The following PRDM10 variants were observed in gnomAD, a reference collection of about 807,000 sequenced individuals.
The protein encoded by PRDM10 is PR domain zinc finger protein 10.
Under a neutral mutation model 133.1 loss-of-function variants are expected in PRDM10, and 65 were observed. The ratio of observed to expected loss-of-function variants is 0.49; its 90% CI spans 0.40 to 0.60. The LOEUF is 0.60. PRDM10 is among the 20% of genes least tolerant of loss of function. PRDM10 has a pLI of 0.00. For missense variants in PRDM10, 1,137 were observed against 1,507.1 expected (o/e 0.75, Z 4.07); for synonymous variants, 582 against 580.4 (o/e 1.00, Z -0.04).
In PRDM10 at chr11:129,912,087, G is replaced by A. The variant is rs1448729013; in HGVS notation, c.2980C>T (p.Gln994Ter). ...AAATAGTCTGTGGAGCAGGGTACCT[G>A]GGCGGAGGACGGGGCCGAGGCGGTA... ...EPTASAPSSA[Q>*]VSGQPLSPSA... The change falls in exon 18 of 21, where the codon CAG becomes TAG. Residue 994 changes from glutamine (Q) to a stop codon, truncating the protein, a stop_gained and splice_region_variant. Transcript: ENST00000360871. LOFTEE classifies it high-confidence loss of function. 6.2e-7 allele frequency: 1 copy of A among 1,606,344 alleles called. No homozygotes were observed. Among genetic ancestry groups the A allele is most frequent in the Non-Finnish European group, 8.5e-7 (1 of 1,176,354 alleles).
At chr11:129,990,771 GTCCTCACTTTT>G (rs1938696816) in intron 1 of PRDM10, among the ~76,000 whole-genome samples, 1 of 152,044 alleles carries the variant, frequency 6.6e-6, no homozygotes, top group African/African-American at 2.4e-5. Flanking sequence ...CTATGCCCGG[GTCCTCACTTTT>G]TCCTCACTTT....
At chr11:130,002,333 G>T (rs564164035) in intron 1 of PRDM10, among the ~76,000 whole-genome samples, 10 of 151,836 alleles carry the variant, frequency 6.6e-5, no homozygotes, top group African/African-American at 1.2e-4. Context: ...GGGGTCGCAG[G>T]GGGAGGCTGC....
chr11:129,923,679 AGAGAGAGAGAGAGAGT>A lies in PRDM10; in HGVS notation c.1879-292_1879-277del, dbSNP rs1458229623. On this transcript the variant is annotated intron_variant, in intron 12 of 20. Transcript: ENST00000360871. The surrounding 1 kb of genome is among the most constrained non-coding windows in gnomAD (Gnocchi z 4.4). ...GAGAGAGAGAGAGAGAGAGAGAGAG[AGAGAGAGAGAGAGAGT>A]GCTTGCTTGGTCAAAGCCCTGATCA... Among the ~76,000 whole-genome samples the A allele has an allele frequency of 1.6e-4, 24 of 151,616 alleles. 1 individual carries two copies. The highest frequency in any genetic ancestry group is 6.6e-4 in the Admixed American group (10 of 15,208).
Position 129,910,502 on chromosome 11 carries a change from C to G in PRDM10, c.3137G>C (p.Ser1046Thr). 1 of 1,614,156 alleles carries G rather than the reference C, an allele frequency of 6.2e-7. No individual in the cohort carries two copies. The highest frequency in any genetic ancestry group is 8.5e-7 in the Non-Finnish European group (1 of 1,180,050). Residue 1046 changes from serine (S) to threonine (T), a missense_variant, in exon 19 of 21, where the codon AGT becomes ACT. Physicochemically the swap from Ser to Thr is moderately conservative, Grantham distance 58. This residue lies in a region of PRDM10 where 243 missense variants were observed against 259.2 expected (regional missense o/e 0.94). Transcript: ENST00000360871. ...ATAGCCACGGAAGGAATTCCAAGCA[C>G]TGGGCAGGTACGTGTGCTGCACAGA... ...NSSVQHTYLP[S>T]AWNSFRGYSS...
intron 4 of PRDM10, among the ~76,000 whole-genome samples, chr11:129,948,454 C>T (rs542709563): frequency 6.6e-6 from 1 of 152,290 alleles, no homozygotes; most frequent in East Asian, 1.9e-4. Context: ...TTGATGCCTC[C>T]AGCCCTCCCT....
rs1328431914 is a variant in PRDM10 at position 129,901,521 on chromosome 11, A to G, written c.*792T>C. On this transcript the variant is annotated 3_prime_UTR_variant, in exon 21 of 21. Transcript: ENST00000360871. ...CCAATATCTCCTTCTTACCACCACC[A>G]CAACCACAGAATGGGAGGCAAAGCT... 6.6e-6 allele frequency: 1 copy of G among 152,262 alleles called. No individual in the cohort carries two copies. Among genetic ancestry groups the G allele is most frequent in the Non-Finnish European group, 1.5e-5 (1 of 68,036 alleles). 9.4% of individuals were successfully genotyped at this position (152,262 alleles called of 1,614,324 possible).
In PRDM10 at chr11:129,916,975, A is replaced by G. The variant is rs535228767; in HGVS notation, c.2325+152T>C. 2.4e-4 allele frequency: 120 copies of G among 509,582 alleles called. 1 individual carries two copies. Among genetic ancestry groups the G allele is most frequent in the African/African-American group, 2.2e-3 (111 of 50,554 alleles). The allele number at this position is 509,582 out of a possible 1,614,324, so 31.6% of individuals were successfully genotyped here. Reference sequence around the variant, plus strand: ...TGGCTTAAAATAAGGCTGTATTTCTAGTCCTTTCTTGTCTGAATGGAGACT... The same window carrying G: ...TGGCTTAAAATAAGGCTGTATTTCTGGTCCTTTCTTGTCTGAATGGAGACT... On this transcript the variant is annotated intron_variant, in intron 15 of 20. Transcript: ENST00000360871.
chr11:129,972,464 CT>C (rs760641266), intron 1 of PRDM10, among the ~76,000 whole-genome samples: 2 of 152,204 alleles, frequency 1.3e-5, no homozygotes, highest in Non-Finnish European at 2.9e-5. Context: ...AAATTCTATC[CT>C]TGATTTCTCT....
rs768904130 is a variant in PRDM10 at position 129,944,966 on chromosome 11, G to A, written c.567C>T (p.His189=). Residue 189 remains histidine, a synonymous_variant, in exon 6 of 21, where the codon CAC becomes CAT. Transcript: ENST00000360871. ...GGTTGGGGATCGGGTGCAAGGGGCC[G>A]TGCTTCGGACACACTGAAGCATGCG... ...NNAHASVCPK[H]GPLHPIPNRP... The A allele has an allele frequency of 1.9e-6, 3 of 1,613,520 alleles. No individual in the cohort carries two copies. The highest frequency in any genetic ancestry group is 8.5e-7 in the Non-Finnish European group (1 of 1,179,860).
chr11:129,992,111 G>A (rs968446508), intron 1 of PRDM10, among the ~76,000 whole-genome samples: 7 of 152,158 alleles, frequency 4.6e-5, no homozygotes, highest in African/African-American at 1.2e-4. Flanking sequence ...TTTCACTCAG[G>A]TGTACCTACA....
intron 4 of PRDM10, among the ~76,000 whole-genome samples, chr11:129,950,550 T>G (rs2135896561): frequency 6.6e-6 from 1 of 152,296 alleles, no homozygotes; most frequent in South Asian, 2.1e-4. Context: ...CACAGGGAAC[T>G]TCTAGCAGTG....
In PRDM10 at chr11:129,910,596, G is replaced by A. The variant is rs182108347; in HGVS notation, c.3043C>T (p.His1015Tyr). 45 of 1,613,860 alleles carry A rather than the reference G, an allele frequency of 2.8e-5. 1 individual carries two copies. The East Asian group carries it at 9.8e-4, about 35-fold the overall frequency. ...TGTGTGGAAGAACTGCCCTGGATGT[G>A]GGAGGGGCTGAGCCCCTGCTGAGCC... ...QQAQQGLSPSHIQGSSSTQGQ... is the reference protein window; with the variant it reads ...QQAQQGLSPSYIQGSSSTQGQ... The change falls in exon 19 of 21, where the codon CAC (histidine) becomes TAC (tyrosine). Residue 1015 changes from histidine to tyrosine, a missense_variant. Physicochemically the swap from His to Tyr is moderately conservative, Grantham distance 83. This residue lies in a region of PRDM10 where 243 missense variants were observed against 259.2 expected (regional missense o/e 0.94). Coordinates refer to ENST00000360871, the MANE Select transcript of PRDM10 (RefSeq NM_199437.2).
chr11:129,902,063 C>T lies in PRDM10; in HGVS notation c.*250G>A. 2.1e-6 allele frequency: 1 copy of T among 479,552 alleles called. No homozygotes were observed. Among genetic ancestry groups the T allele is most frequent in the South Asian group, 3.2e-5 (1 of 30,852 alleles). The allele number at this position is 479,552 out of a possible 1,614,324, so 29.7% of individuals were successfully genotyped here. On this transcript the variant is annotated 3_prime_UTR_variant, in exon 21 of 21. Coordinates refer to ENST00000360871, the MANE Select transcript of PRDM10 (RefSeq NM_199437.2). ...GACCAGCTCAAGAGCAAGGCAAATT[C>T]TCTCCACCTCGAAATCTACTTTCCC...
intron 20 of PRDM10, among the ~76,000 whole-genome samples, chr11:129,903,389 C>T (rs1177342077): frequency 1.4e-4 from 21 of 151,090 alleles, no homozygotes; most frequent in Admixed American, 1.1e-3. Flanking sequence ...TAAAAAAACG[C>T]GACCATCAAA....
chr11:129,912,485 C>G (rs1041680260), intron 17 of PRDM10, among the ~76,000 whole-genome samples: 1 of 152,336 alleles, frequency 6.6e-6, no homozygotes, highest in East Asian at 1.9e-4. Context: ...GGCGCCGTGG[C>G]TCACGCCTGT....
intron 1 of PRDM10, among the ~76,000 whole-genome samples, chr11:129,964,056 T>C (rs1951856142): frequency 6.6e-6 from 1 of 152,174 alleles, no homozygotes; most frequent in Admixed American, 6.5e-5. Flanking sequence ...TCTTCATGGT[T>C]AGATTCAGGA....
intron 17 of PRDM10, 150 bp downstream of exon 17, chr11:129,914,554 C>T: frequency 9.2e-7 from 1 of 1,081,320 alleles, no homozygotes; most frequent in Non-Finnish European, 1.4e-6. Flanking sequence ...CCTCATCAGC[C>T]TGAAAGGGGA....
At chr11:129,922,089 T>C (rs888788961) in intron 13 of PRDM10, among the ~76,000 whole-genome samples, 2 of 152,220 alleles carry the variant, frequency 1.3e-5, no homozygotes, top group African/African-American at 2.4e-5. Context: ...TCTTCTCCTA[T>C]AATTAAGTTC....
intron 16 of PRDM10, among the ~76,000 whole-genome samples, 180 bp downstream of exon 16, chr11:129,915,480 A>G (rs1442210861): frequency 6.6e-6 from 1 of 152,236 alleles, no homozygotes; most frequent in Non-Finnish European, 1.5e-5. Context: ...GGAGGTCCAC[A>G]GTATCCTCTT....
Sources: gnomAD v4.1 joint callset for allele counts (sites outside exome capture counted in the v4.1 genomes callset) on GRCh38, gnomAD v4.1.1 for gene constraint, gnomAD v4.1.1 regional missense constraint, Gnocchi (gnomAD v3.1) non-coding constraint, MANE v1.5 for transcripts, NCBI Gene and HGNC (gene_info 2026-07-23, HGNC 2026-07-21) for gene names.